SLC25A3: variants seen among roughly 807,000 people sequenced by gnomAD.
The protein encoded by SLC25A3 is solute carrier family 25 member 3, also known as phosphate transport protein.
SLC25A3 carries 14 observed loss-of-function variants against 37.1 expected under a neutral mutation model. The ratio of observed to expected loss-of-function variants is 0.38; its 90% CI spans 0.25 to 0.59. The LOEUF (loss-of-function observed/expected upper bound fraction) is 0.59, where lower values mean the gene tolerates loss of function less well. Ranked by LOEUF, SLC25A3 falls within the 20% of genes least tolerant of loss-of-function variation. The pLI is 0.67. For synonymous variants in SLC25A3, 161 were observed against 168.7 expected, an observed-to-expected ratio of 0.95 and a Z score of 0.36; for missense variants, 385 against 458.1, an observed-to-expected ratio of 0.84 and a Z score of 1.46.
chr12:98,600,231 G>A, intron 6 of SLC25A3, 104 bp downstream of exon 6: 1 of 882,678 alleles, frequency 1.1e-6, no homozygotes, highest in Non-Finnish European at 1.9e-6. Context: ...TTATAAAGCA[G>A]TGTTTTTGTT....
chr12:98,602,742 T>TA lies in SLC25A3; in HGVS notation c.*1215dup, dbSNP rs1299752854. ...AAAAAAAACGAAAAACCTAGTGTAA[T>TA]ATATAACATGCTGTTTTTCAAACAC... is the stretch of plus-strand genomic sequence containing the variant. On this transcript the variant is annotated 3_prime_UTR_variant, in exon 8 of 8. Transcript: ENST00000552981. 1.3e-5 allele frequency: 2 copies of TA among 152,210 alleles called. No individual in the cohort carries two copies. Among genetic ancestry groups the TA allele is most frequent in the Non-Finnish European group, 2.9e-5 (2 of 68,034 alleles). 9.4% of individuals were successfully genotyped at this position (152,210 alleles called of 1,614,324 possible).
chr12:98,599,936 A>C lies in SLC25A3; in HGVS notation c.642-19A>C, dbSNP rs370904868. Reference sequence around the variant, plus strand: ...ATGAGTGTATGCAACTGTGTAAAACAAGTCTCTTGATTTCCTAGATTCTAC... The same window carrying C: ...ATGAGTGTATGCAACTGTGTAAAACCAGTCTCTTGATTTCCTAGATTCTAC... On this transcript the variant is annotated intron_variant, in intron 5 of 7. Coordinates refer to ENST00000552981, the MANE Select transcript of SLC25A3 (RefSeq NM_002635.4). 2.5e-5 allele frequency: 41 copies of C among 1,613,346 alleles called. No homozygotes were observed. Among genetic ancestry groups the C allele is most frequent in the Non-Finnish European group, 2.9e-5 (34 of 1,179,406 alleles).
At position 98,595,596 on chromosome 12, in the gene SLC25A3, G is replaced by A. The variant is rs201388499; in HGVS notation, c.158-131G>A. On this transcript the variant is annotated intron_variant, in intron 2 of 7. Coordinates refer to ENST00000552981, the MANE Select transcript of SLC25A3 (RefSeq NM_002635.4). Reference sequence around the variant, plus strand: ...GCTGGACTAGAGCATATTGAAGCATGACTGACTGTTAAGTTATAAGATATA... The same window carrying A: ...GCTGGACTAGAGCATATTGAAGCATAACTGACTGTTAAGTTATAAGATATA... 83 of 1,613,482 alleles carry A rather than the reference G, an allele frequency of 5.1e-5. No individual in the cohort carries two copies. The East Asian group carries it at 1.8e-3, about 35-fold the overall frequency.
rs761707071 is a variant in SLC25A3 at position 98,595,740 on chromosome 12, A to G, written c.171A>G (p.Glu57=). The change falls in exon 3 of 8, where the codon GAA becomes GAG. Residue 57 remains glutamate, a synonymous_variant. Transcript: ENST00000552981. ...CTCTTACTACAGAGTACAGTTGTGA[A>G]TTTGGCTCCGCGAAGTATTATGCAC... The part of the protein sequence containing the change: ...AAAAVEEYSC[E]FGSAKYYALC... 6.2e-7 allele frequency: 1 copy of G among 1,614,176 alleles called. No individual in the cohort carries two copies.
intron 2 of SLC25A3, chr12:98,595,512 A>G (rs1461577363): frequency 6.2e-7 from 1 of 1,613,982 alleles, no homozygotes; most frequent in Non-Finnish European, 8.5e-7. Context: ...GTGGCACAAC[A>G]CATACAGCAT....
intron 6 of SLC25A3, 142 bp downstream of exon 6, chr12:98,600,269 G>A (rs2097596689): frequency 1.5e-5 from 10 of 677,264 alleles, no homozygotes; most frequent in South Asian, 4.7e-5. Context: ...GCATAGTCTC[G>A]CTCTGTTGCC....
chr12:98,595,898 C>G (rs764655195), intron 3 of SLC25A3, 50 bp downstream of exon 3: 3 of 1,516,276 alleles, frequency 2.0e-6, no homozygotes, highest in South Asian at 1.1e-5. Flanking sequence ...TGACTTAACT[C>G]TAAATAAAAT....
chr12:98,595,355 A>G (rs1453593407), intron 2 of SLC25A3: 23 of 1,519,300 alleles, frequency 1.5e-5, no homozygotes, highest in Non-Finnish European at 2.0e-5. Context: ...CTCACAGGGA[A>G]ACATTTTCTT....
rs1006288562 is a variant in SLC25A3 at position 98,604,201 on chromosome 12, A to G, written c.*2673A>G. On this transcript the variant is annotated 3_prime_UTR_variant, in exon 8 of 8. Coordinates refer to ENST00000552981, the MANE Select transcript of SLC25A3 (RefSeq NM_002635.4). ...CGGGAGGCGGAGGTTGTGGTGAGCCAAGATTGCGCCATTGCACTCCAGCCT... is the reference window on the plus strand; with the variant it reads ...CGGGAGGCGGAGGTTGTGGTGAGCCGAGATTGCGCCATTGCACTCCAGCCT... The G allele has an allele frequency of 6.6e-6, 1 of 150,752 alleles. No homozygotes were observed. The highest frequency in any genetic ancestry group is 6.6e-5 in the Admixed American group (1 of 15,096). The allele number at this position is 150,752 out of a possible 1,614,324, so 9.3% of individuals were successfully genotyped here.
rs1329234052 is a variant in SLC25A3 at position 98,601,560 on chromosome 12, T to G, written c.*32T>G. The G allele has an allele frequency of 7.1e-7, 1 of 1,401,038 alleles. No homozygotes were observed. Among genetic ancestry groups the G allele is most frequent in the African/African-American group, 1.4e-5 (1 of 70,662 alleles). The allele number at this position is 1,401,038 out of a possible 1,614,324, so 86.8% of individuals were successfully genotyped here. On this transcript the variant is annotated 3_prime_UTR_variant, in exon 8 of 8. Coordinates refer to ENST00000552981, the MANE Select transcript of SLC25A3 (RefSeq NM_002635.4). Reference sequence around the variant, plus strand: ...CAAAGCAAATGTGGACTGAATCTGCTTGTTGATCAGTGTTGAAGAAAGTGC... The same window carrying G: ...CAAAGCAAATGTGGACTGAATCTGCGTGTTGATCAGTGTTGAAGAAAGTGC...
chr12:98,595,207 ATT>A (rs1420663033), intron 2 of SLC25A3: 1 of 551,350 alleles, frequency 1.8e-6, no homozygotes, highest in Non-Finnish European at 3.2e-6. Context: ...TTTTAAAAAA[ATT>A]AATATGGCAG....
intron 4 of SLC25A3, 89 bp downstream of exon 4, chr12:98,598,124 C>A: frequency 1.5e-6 from 2 of 1,339,584 alleles, no homozygotes; most frequent in Non-Finnish European, 2.1e-6. Context: ...CTTATTTTAG[C>A]ACTGAAGAAA....
In SLC25A3 at chr12:98,599,865, C is replaced by T. The variant is rs7955537; in HGVS notation, c.642-90C>T. ...GCTGCCATTTGTTACTATCAGGACT[C>T]GACTCGTGTGCGGACATTTCTGTTA... is the stretch of plus-strand genomic sequence containing the variant. On this transcript the variant is annotated intron_variant, in intron 5 of 7. Transcript: ENST00000552981. 4,277 of 1,368,960 alleles carry T rather than the reference C, an allele frequency of 3.1e-3. 92 individuals are homozygous for T. The African/African-American group carries it at 0.055, about 17-fold the overall frequency. The allele number at this position is 1,368,960 out of a possible 1,614,324, so 84.8% of individuals were successfully genotyped here. A position where few individuals can be genotyped will look rare whatever the true frequency, so the allele number is the denominator to read the frequency against.
At position 98,603,681 on chromosome 12, in the gene SLC25A3, T is replaced by C. The variant is rs1413319047; in HGVS notation, c.*2153T>C. ...TCCTAAGAGTTATAATAGGTTTTAT[T>C]TGTGGGCATTGATACAAAATACGCT... On this transcript the variant is annotated 3_prime_UTR_variant, in exon 8 of 8. Transcript: ENST00000552981. 1 of 152,180 alleles carries C rather than the reference T, an allele frequency of 6.6e-6. No homozygotes were observed. The highest frequency in any genetic ancestry group is 1.5e-5 in the Non-Finnish European group (1 of 68,042). The allele number at this position is 152,180 out of a possible 1,614,324, so 9.4% of individuals were successfully genotyped here. A position where few individuals can be genotyped will look rare whatever the true frequency, so the allele number is the denominator to read the frequency against.
Position 98,601,252 on chromosome 12 carries a change from C to G in SLC25A3, c.896C>G (p.Ser299Cys). 1 of 1,614,068 alleles carries G rather than the reference C, an allele frequency of 6.2e-7. No homozygotes were observed. The highest frequency in any genetic ancestry group is 8.5e-7 in the Non-Finnish European group (1 of 1,180,000). ...AATAAAGAAAAAGGTAGCAGTGCTT[C>G]TCTGGTCCTCAAGAGACTTGGATTT... ...VLNKEKGSSASLVLKRLGFKG... is the reference protein window; with the variant it reads ...VLNKEKGSSACLVLKRLGFKG... Residue 299 changes from serine (S) to cysteine (C), a missense_variant, in exon 7 of 8, where the codon TCT (serine) becomes TGT (cysteine). Coordinates refer to ENST00000552981, the MANE Select transcript of SLC25A3 (RefSeq NM_002635.4).
chr12:98,595,881 T>C, intron 3 of SLC25A3, 33 bp downstream of exon 3: 9 of 1,577,584 alleles, frequency 5.7e-6, no homozygotes, highest in Non-Finnish European at 7.0e-6. Flanking sequence ...TGAAAGTATC[T>C]CTCATGTGAC....
chr12:98,595,930 A>G, intron 3 of SLC25A3, 82 bp downstream of exon 3: 1 of 1,300,820 alleles, frequency 7.7e-7, no homozygotes, highest in Non-Finnish European at 1.1e-6. Flanking sequence ...ATTTGAAGAC[A>G]TCACAACTGC....
rs11544639 is a variant in SLC25A3, at chr12:98,594,084, C to T, written c.106C>T (p.Pro36Ser). 6.2e-7 allele frequency: 1 copy of T among 1,612,298 alleles called. No individual in the cohort carries two copies. Among genetic ancestry groups the T allele is most frequent in the Non-Finnish European group, 8.5e-7 (1 of 1,179,574 alleles). ...GGACCTCCGCAGCAGCTCCCCAGGGCCCACGGGCCAGCCCCGCCGCCCTCG... is the reference window on the plus strand; with the variant it reads ...GGACCTCCGCAGCAGCTCCCCAGGGTCCACGGGCCAGCCCCGCCGCCCTCG... ...LGDLRSSSPG[P>S]TGQPRRPRNL... Residue 36 changes from proline (P) to serine (S), a missense_variant, in exon 2 of 8, where the codon CCC (proline) becomes TCC (serine). Transcript: ENST00000552981.
intron 3 of SLC25A3, 41 bp downstream of exon 3, chr12:98,595,889 G>GACTT: frequency 6.5e-7 from 1 of 1,544,054 alleles, no homozygotes; most frequent in South Asian, 1.1e-5. Flanking sequence ...TCTCTCATGT[G>GACTT]ACTTAACTCT....
Sources: gnomAD v4.1 joint callset for allele counts on GRCh38, gnomAD v4.1.1 for gene constraint, MANE v1.5 for transcripts, NCBI Gene and HGNC (gene_info 2026-07-23, HGNC 2026-07-21) for gene names.